DLG2: variants seen among roughly 807,000 people sequenced by gnomAD.
DLG2 encodes discs large MAGUK scaffold protein 2.
Under a neutral mutation model 132.5 loss-of-function variants are expected in DLG2, and 45 were observed. The observed-to-expected ratio is 0.34, with a 90% CI of 0.27 to 0.44. The LOEUF is 0.44. Ranked by LOEUF, DLG2 falls within the 20% of genes least tolerant of loss-of-function variation. The pLI, the probability that DLG2 is intolerant of heterozygous loss-of-function variation, is 1.00. For synonymous variants in DLG2, 424 were observed against 419.6 expected (o/e 1.01, Z -0.13); for missense variants, 1,045 against 1,196.9 (o/e 0.87, Z 1.87).
At chr11:84,457,262 G>C (rs892975031) in intron 7 of DLG2, among the ~76,000 whole-genome samples, 1 of 151,066 alleles carries the variant, frequency 6.6e-6, no homozygotes, top group Non-Finnish European at 1.5e-5. Flanking sequence ...TTCTGGGCTA[G>C]ATGCAGGAGG....
intron 3 of DLG2, among the ~76,000 whole-genome samples, chr11:85,581,252 TC>T (rs1172369570): frequency 6.6e-6 from 1 of 152,142 alleles, no homozygotes; most frequent in Non-Finnish European, 1.5e-5. Context: ...AGTGCTTCCA[TC>T]CCTGGTTGGC....
intron 19 of DLG2, among the ~76,000 whole-genome samples, chr11:83,576,864 T>C (rs1368294190): frequency 6.6e-6 from 1 of 152,200 alleles, no homozygotes; most frequent in Non-Finnish European, 1.5e-5. Context: ...ATGGTAACTA[T>C]GTGGATGAAT....
intron 6 of DLG2, among the ~76,000 whole-genome samples, chr11:84,607,826 T>C (rs1168305771): frequency 3.9e-5 from 6 of 152,090 alleles, no homozygotes; most frequent in African/African-American, 1.2e-4. Flanking sequence ...ATCTCTAATA[T>C]GGTACCTGGC....
At chr11:85,265,651 G>A (rs947443936) in intron 4 of DLG2, among the ~76,000 whole-genome samples, 1 of 152,184 alleles carries the variant, frequency 6.6e-6, no homozygotes, top group East Asian at 1.9e-4. Flanking sequence ...CTCTTGATTG[G>A]TTCTTTCTGA....
intron 6 of DLG2, among the ~76,000 whole-genome samples, chr11:84,894,503 C>T (rs529400834): frequency 1.3e-5 from 2 of 152,210 alleles, no homozygotes; most frequent in South Asian, 2.1e-4. Flanking sequence ...CACACACAAA[C>T]TCCTGGGTCT....
At chr11:83,678,302 A>G (rs2078120043) in intron 18 of DLG2, among the ~76,000 whole-genome samples, 1 of 152,226 alleles carries the variant, frequency 6.6e-6, no homozygotes, top group South Asian at 2.1e-4. Flanking sequence ...GTGGAATTTT[A>G]GTTTACTACT....
intron 18 of DLG2, among the ~76,000 whole-genome samples, chr11:83,692,422 T>G (rs1433823941): frequency 6.6e-6 from 1 of 152,222 alleles, no homozygotes; most frequent in African/African-American, 2.4e-5. Flanking sequence ...TTATATGAAA[T>G]GCCTAGAATA....
At chr11:84,731,042 A>C (rs1734841091) in intron 6 of DLG2, among the ~76,000 whole-genome samples, 1 of 152,056 alleles carries the variant, frequency 6.6e-6, no homozygotes, top group South Asian at 2.1e-4. Context: ...TGTTTAAAAT[A>C]AGATTGTTAT....
rs574792557 is a variant in DLG2, at chr11:84,098,656, C to T, written c.749+267G>A. ...TGTTCTTTCCAACTAGACTGAAGGC[C>T]TCATCCAAACAAAAGATTTATCTTC... On this transcript the variant is annotated intron_variant, in intron 10 of 27. Coordinates refer to ENST00000376104, the MANE Select transcript of DLG2 (RefSeq NM_001142699.3). 1.4e-4 allele frequency among the ~76,000 whole-genome samples: 22 copies of T among 152,198 alleles called. No homozygotes were observed. The East Asian group carries it at 4.3e-3, about 29-fold the overall frequency.
At chr11:84,195,605 T>C (rs2096501262) in intron 8 of DLG2, among the ~76,000 whole-genome samples, 1 of 152,204 alleles carries the variant, frequency 6.6e-6, no homozygotes, top group South Asian at 2.1e-4. Flanking sequence ...CCACTTATAT[T>C]AGTTCCTCAA....
chr11:83,562,836 G>A (rs541570632), intron 19 of DLG2, among the ~76,000 whole-genome samples: 22 of 152,084 alleles, frequency 1.4e-4, no homozygotes, highest in African/African-American at 5.3e-4. Context: ...AAATCTGGAT[G>A]GCAAACTCCA....
chr11:84,818,867 T>C (rs371028245), intron 6 of DLG2, among the ~76,000 whole-genome samples: 66 of 152,028 alleles, frequency 4.3e-4, no homozygotes, highest in African/African-American at 1.4e-3. Context: ...AACTTTTTGA[T>C]TGAGCCACAA....
At chr11:85,291,680 G>A (rs1051669798) in intron 3 of DLG2, among the ~76,000 whole-genome samples, 16 of 151,598 alleles carry the variant, frequency 1.1e-4, no homozygotes, top group Non-Finnish European at 1.0e-4. Context: ...CGCCTCCAGG[G>A]TTCAAGCGAT....
chr11:84,500,124 T>C (rs979616704), intron 7 of DLG2, among the ~76,000 whole-genome samples: 2 of 151,838 alleles, frequency 1.3e-5, no homozygotes, highest in African/African-American at 4.8e-5. Context: ...TATCAGGTTG[T>C]GATAAAGAAA....
chr11:84,591,256 T>TGTGTGTGTGC (rs773255134), intron 6 of DLG2, among the ~76,000 whole-genome samples: 1,771 of 150,262 alleles, frequency 0.012, 23 homozygotes, highest in Middle Eastern at 0.031. Flanking sequence ...TGTGTGTGTG[T>TGTGTGTGTGC]GCGCGTCTTT....
In DLG2 at chr11:83,998,441, G is replaced by A. The variant is rs577552234; in HGVS notation, c.920-17799C>T. Among the ~76,000 whole-genome samples the A allele has an allele frequency of 5.0e-3, 759 of 152,228 alleles. 4 individuals carry two copies. The highest frequency in any genetic ancestry group is 8.7e-3 in the Non-Finnish European group (595 of 68,014). ...ATAGTTCCCTGAAGAGAAAATACTG[G>A]AATGTAATAAATTCAACAGAAAAGT... On this transcript the variant is annotated intron_variant, in intron 11 of 27. Transcript: ENST00000376104.
intron 6 of DLG2, among the ~76,000 whole-genome samples, chr11:84,738,876 G>A (rs2064215985): frequency 6.6e-6 from 1 of 152,062 alleles, no homozygotes; most frequent in Admixed American, 6.5e-5. Flanking sequence ...ACAAGTGAAT[G>A]TATAAACAAA....
intron 2 of DLG2, among the ~76,000 whole-genome samples, chr11:85,612,529 G>A (rs920220252): frequency 2.0e-5 from 3 of 152,184 alleles, no homozygotes; most frequent in Non-Finnish European, 2.9e-5. Context: ...GAATCAGGAA[G>A]GAGCCATCTA....
intron 6 of DLG2, among the ~76,000 whole-genome samples, chr11:84,674,195 T>C (rs1321238985): frequency 6.6e-6 from 1 of 152,170 alleles, no homozygotes; most frequent in African/African-American, 2.4e-5. Flanking sequence ...GCATTCATGT[T>C]GCTACTGTAT....
Sources: allele counts gnomAD v4.1 joint callset (sites outside exome capture counted in the v4.1 genomes callset), GRCh38; gene constraint gnomAD v4.1.1; transcripts MANE v1.5; gene names NCBI Gene and HGNC (gene_info 2026-07-23, HGNC 2026-07-21).